KDM5A: variants seen among roughly 807,000 people sequenced by gnomAD.
KDM5A encodes lysine demethylase 5A.
A neutral mutation model predicts 193.5 loss-of-function variants in KDM5A; 42 were observed. That is an observed-to-expected ratio of 0.22 (90% CI 0.17 to 0.28). The LOEUF (loss-of-function observed/expected upper bound fraction) is 0.28, where lower values mean the gene tolerates loss of function less well. Among genes scored for constraint, KDM5A ranks in the 10% least tolerant of loss-of-function variants. The pLI, the probability that KDM5A is intolerant of heterozygous loss-of-function variation, is 1.00. For synonymous variants in KDM5A, 796 were observed against 718.1 expected (o/e 1.11, Z -1.73); for missense variants, 1,692 against 2,055.1 (o/e 0.82, Z 3.42).
chr12:305,047 C>T (rs1943488263), intron 24 of KDM5A, among the ~76,000 whole-genome samples: 1 of 152,138 alleles, frequency 6.6e-6, no homozygotes, highest in Non-Finnish European at 1.5e-5. Flanking sequence ...GAATGTACCG[C>T]TGTGTGTGGT....
At chr12:375,134 T>A (rs111426618) in intron 3 of KDM5A, among the ~76,000 whole-genome samples, 1 of 152,200 alleles carries the variant, frequency 6.6e-6, no homozygotes, top group East Asian at 1.9e-4. Context: ...CCTTGCTAGG[T>A]TGGGGAAGTT....
At chr12:342,243 G>A (rs1414004969) in intron 10 of KDM5A, among the ~76,000 whole-genome samples, 3 of 152,072 alleles carry the variant, frequency 2.0e-5, no homozygotes, top group African/African-American at 7.2e-5. Flanking sequence ...CTTTTAACAG[G>A]AGATAAATTA....
chr12:331,684 A>G (rs1217145243), intron 13 of KDM5A, 135 bp downstream of exon 13: 3 of 866,782 alleles, frequency 3.5e-6, no homozygotes, highest in East Asian at 4.9e-5. Context: ...TCTAAACTAC[A>G]ATAGCCACTC....
chr12:334,399 A>G lies in KDM5A; in HGVS notation c.1332T>C (p.Asn444=). Residue 444 remains asparagine (N), a synonymous_variant, in exon 11 of 28, where the codon AAT becomes AAC. Coordinates refer to ENST00000399788, the MANE Select transcript of KDM5A (RefSeq NM_001042603.3). ...EEEEYALSGW[N]LNNMPVLEQS... ...GTTCCAGGACAGGCATGTTATTCAA[A>G]TTCCAACCAGAAAGTGCATATTCCT... 6.2e-7 allele frequency: 1 copy of G among 1,613,942 alleles called. No homozygotes were observed. Among genetic ancestry groups the G allele is most frequent in the Non-Finnish European group, 8.5e-7 (1 of 1,179,856 alleles).
chr12:299,752 T>C (rs1026081402), intron 24 of KDM5A, among the ~76,000 whole-genome samples: 1 of 151,982 alleles, frequency 6.6e-6, no homozygotes, highest in African/African-American at 2.4e-5. Flanking sequence ...ACTAGCCAAT[T>C]GGATAAAGAG....
chr12:369,600 A>G (rs1255993299), intron 3 of KDM5A, among the ~76,000 whole-genome samples: 2 of 152,210 alleles, frequency 1.3e-5, no homozygotes, highest in East Asian at 3.8e-4. Flanking sequence ...ATAAAGATGA[A>G]ATCTAAGCAA....
intron 24 of KDM5A, among the ~76,000 whole-genome samples, chr12:305,872 C>A (rs1943496946): frequency 6.6e-6 from 1 of 151,960 alleles, no homozygotes; most frequent in Admixed American, 6.6e-5. Context: ...AAATTCTAAC[C>A]TGGGCCCAAG....
At chr12:377,625 T>C (rs1944523265) in intron 3 of KDM5A, among the ~76,000 whole-genome samples, 2 of 152,196 alleles carry the variant, frequency 1.3e-5, no homozygotes, top group African/African-American at 4.8e-5. Flanking sequence ...AAACTACTAA[T>C]AAAGTTTAAG....
rs547566412 is a variant in KDM5A at position 281,111 on chromosome 12, T to G, written c.*4345A>C. On this transcript the variant is annotated 3_prime_UTR_variant, in exon 28 of 28. Coordinates refer to ENST00000399788, the MANE Select transcript of KDM5A (RefSeq NM_001042603.3). ...GGGGAACCTGAGCATACACACAATT[T>G]TTTAAATCTTTTAGATGTAATGCAA... 1.7e-5 allele frequency: 4 copies of G among 233,060 alleles called. No homozygotes were observed. The highest frequency in any genetic ancestry group is 3.4e-5 in the Non-Finnish European group (4 of 117,908). The allele number at this position is 233,060 out of a possible 1,614,324, so 14.4% of individuals were successfully genotyped here.
chr12:348,075 C>G (rs1354261549), intron 10 of KDM5A, among the ~76,000 whole-genome samples: 1 of 151,158 alleles, frequency 6.6e-6, no homozygotes, highest in Admixed American at 6.6e-5. Flanking sequence ...AAGAAAAAAA[C>G]AAACAACCCC....
Position 342,065 on chromosome 12 carries a change from A to G in KDM5A, c.1309-7643T>C, listed in dbSNP as rs927987426. 2.6e-5 allele frequency among the ~76,000 whole-genome samples: 4 copies of G among 152,316 alleles called. No individual in the cohort carries two copies. The South Asian group carries it at 8.3e-4, about 32-fold the overall frequency. ...AGCTTAGGAAAAAAAGCAAGATCCA[A>G]TTATATGCTATCTACAAGAGACACA... On this transcript the variant is annotated intron_variant, in intron 10 of 27. Transcript: ENST00000399788.
intron 1 of KDM5A, among the ~76,000 whole-genome samples, chr12:388,049 C>T (rs1944666625): frequency 6.6e-6 from 1 of 152,170 alleles, no homozygotes; most frequent in African/African-American, 2.4e-5. Flanking sequence ...AGAACTTCCA[C>T]AACAAGACTA....
chr12:300,877 T>C (rs1943433042), intron 24 of KDM5A, among the ~76,000 whole-genome samples: 1 of 152,132 alleles, frequency 6.6e-6, no homozygotes, highest in South Asian at 2.1e-4. Flanking sequence ...AAATACAAAC[T>C]ACCAGCAGAC....
At position 295,574 on chromosome 12, in the gene KDM5A, T is replaced by A; in HGVS notation, c.4454A>T (p.Glu1485Val). ...TTTAAATAAGTATTAAATCCACACC[T>A]CCATGATATGCAAGAATCTGTCTTC... Reference protein sequence around the residue: ...PSEDRFLHIMEDDSMEEKPLK... With the variant: ...PSEDRFLHIMVDDSMEEKPLK... The change falls in exon 26 of 28, where the codon GAG (glutamate) becomes GTG (valine). Residue 1485 changes from glutamate (E) to valine (V), a missense_variant and splice_region_variant. Coordinates refer to ENST00000399788, the MANE Select transcript of KDM5A (RefSeq NM_001042603.3). The A allele has an allele frequency of 1.2e-6, 2 of 1,613,270 alleles. No homozygotes were observed. Among genetic ancestry groups the A allele is most frequent in the Non-Finnish European group, 1.7e-6 (2 of 1,179,264 alleles).
intron 2 of KDM5A, among the ~76,000 whole-genome samples, chr12:384,983 A>C (rs1194354461): frequency 6.6e-6 from 1 of 152,198 alleles, no homozygotes; most frequent in Non-Finnish European, 1.5e-5. Context: ...TGAGGTCAGG[A>C]GTTCCAGACC....
intron 21 of KDM5A, 73 bp downstream of exon 21, chr12:310,812 T>C (rs901674556): frequency 1.3e-6 from 2 of 1,489,980 alleles, no homozygotes; most frequent in African/African-American, 2.8e-5. Flanking sequence ...TCAGATAAAC[T>C]GAAAATAACC....
In KDM5A at chr12:383,991, C is replaced by A. The variant is rs762028954; in HGVS notation, c.366+40G>T. ...AATCTATTTGATATTCCTAAATTCA[C>A]AAGCCTGTGCTCTAATTTCTAAACC... On this transcript the variant is annotated intron_variant, in intron 3 of 27. Coordinates refer to ENST00000399788, the MANE Select transcript of KDM5A (RefSeq NM_001042603.3). 2.5e-6 allele frequency: 4 copies of A among 1,603,454 alleles called. No homozygotes were observed. The Admixed American group carries it at 6.7e-5, about 27-fold the overall frequency.
chr12:296,399 G>A (rs1383158407), intron 25 of KDM5A, among the ~76,000 whole-genome samples: 1 of 151,674 alleles, frequency 6.6e-6, no homozygotes, highest in African/African-American at 2.4e-5. Flanking sequence ...CAAGGGGAGC[G>A]AGCAACCAGA....
intron 20 of KDM5A, among the ~76,000 whole-genome samples, chr12:311,460 A>T (rs1317953489): frequency 6.6e-6 from 1 of 152,066 alleles, no homozygotes; most frequent in Non-Finnish European, 1.5e-5. Context: ...CCTGGCCAAC[A>T]TGGTGAAACC....
Sources: allele counts gnomAD v4.1 joint callset (sites outside exome capture counted in the v4.1 genomes callset), GRCh38; gene constraint gnomAD v4.1.1; transcripts MANE v1.5; gene names NCBI Gene and HGNC (gene_info 2026-07-23, HGNC 2026-07-21).